MYO7A: variants seen among roughly 807,000 people sequenced by gnomAD.
The protein encoded by MYO7A is unconventional myosin-VIIa.
In MYO7A, 210 loss-of-function variants were observed where a neutral mutation model predicts 263.8. The observed-to-expected ratio is 0.80, with a 90% CI of 0.71 to 0.89. The LOEUF (loss-of-function observed/expected upper bound fraction) is 0.89. MYO7A is among the 40% of genes least tolerant of loss of function. The pLI, the probability that MYO7A is intolerant of heterozygous loss-of-function variation, is 0.00. For missense variants in MYO7A, 2,820 were observed against 2,968.3 expected, an observed-to-expected ratio of 0.95 and a Z score of 1.16; for synonymous variants, 1,239 against 1,197.3, an observed-to-expected ratio of 1.03 and a Z score of -0.72.
intron 2 of MYO7A, 38 bp from the exon 3 acceptor site, chr11:77,142,671 C>T (rs1555051312): frequency 1.3e-6 from 2 of 1,552,192 alleles, no homozygotes; most frequent in East Asian, 2.3e-5. Flanking sequence ...CAATCCCCCT[C>T]CCTGCTCACC....
rs782096041 is a variant in MYO7A, at chr11:77,166,150, C to T, written c.1785C>T (p.Ala595=). 5.6e-6 allele frequency: 9 copies of T among 1,613,684 alleles called. No individual in the cohort carries two copies. The highest frequency in any genetic ancestry group is 5.5e-5 in the South Asian group (5 of 91,056). The change falls in exon 15 of 49, where the codon GCC becomes GCT. Residue 595 remains alanine (A), a synonymous_variant. Coordinates refer to ENST00000409709, the MANE Select transcript of MYO7A (RefSeq NM_000260.4). ...AGTTCATCAAGCAGATCTTCCAGGCCGATGTCGCCATGGTAAGCCGGGTGC... is the reference window on the plus strand; with the variant it reads ...AGTTCATCAAGCAGATCTTCCAGGCTGATGTCGCCATGGTAAGCCGGGTGC... ...RNKFIKQIFQ[A]DVAMGAETRK...
intron 15 of MYO7A, among the ~76,000 whole-genome samples, chr11:77,169,948 C>T (rs1555074975): frequency 6.6e-6 from 1 of 152,126 alleles, no homozygotes; most frequent in Non-Finnish European, 1.5e-5. Context: ...CAGTGGTACA[C>T]ACCTGTAGTC....
In MYO7A at chr11:77,182,486, C is replaced by T. The variant is rs868993459; in HGVS notation, c.3171C>T (p.Tyr1057=). The T allele has an allele frequency of 1.2e-6, 2 of 1,613,484 alleles. No individual in the cohort carries two copies. The highest frequency in any genetic ancestry group is 2.2e-5 in the East Asian group (1 of 44,874). ...RFMGDLPEPK[Y]HTAMSDGSEK... ...TGGGGGACCTCCCTGAGCCCAAGTA[C>T]CACACAGCCATGAGTGATGGCAGTG... The change falls in exon 25 of 49, where the codon TAC becomes TAT. Residue 1057 remains tyrosine, a synonymous_variant. Transcript: ENST00000409709.
At chr11:77,134,410 G>T (rs1555046845) in intron 2 of MYO7A, among the ~76,000 whole-genome samples, 1 of 151,928 alleles carries the variant, frequency 6.6e-6, no homozygotes, top group African/African-American at 2.4e-5. Context: ...TTATACATTT[G>T]TCTTTTAAAT....
chr11:77,194,246 G>C, intron 31 of MYO7A, 108 bp from the exon 32 acceptor site: 1 of 1,304,260 alleles, frequency 7.7e-7, no homozygotes, highest in Non-Finnish European at 1.1e-6. Flanking sequence ...CAGGCTCTGA[G>C]AGCTACAGGA....
intron 2 of MYO7A, 156 bp from the exon 3 acceptor site, chr11:77,142,553 C>G: frequency 1.4e-6 from 1 of 710,156 alleles, no homozygotes. Flanking sequence ...GCCTGCACTG[C>G]TCCAGAAGGT....
In MYO7A at chr11:77,151,460, G is replaced by A. The variant is rs565105026; in HGVS notation, c.285+3510G>A. ...TCTCCATGGCCCGCTAAATGCTAACGAAGTCCCCAGAGCCGACAGGCCTGG... is the reference window on the plus strand; with the variant it reads ...TCTCCATGGCCCGCTAAATGCTAACAAAGTCCCCAGAGCCGACAGGCCTGG... On this transcript the variant is annotated intron_variant, in intron 4 of 48. Transcript: ENST00000409709. Among the ~76,000 whole-genome samples the A allele has an allele frequency of 3.9e-5, 6 of 152,238 alleles. No homozygotes were observed. In the South Asian group the frequency reaches 8.3e-4, roughly 21 times the overall value.
intron 4 of MYO7A, among the ~76,000 whole-genome samples, chr11:77,149,892 G>T (rs953054214): frequency 1.3e-5 from 2 of 152,086 alleles, no homozygotes; most frequent in Admixed American, 1.3e-4. Flanking sequence ...GCTAGAACTC[G>T]AGCCCAGGGC....
At chr11:77,153,031 G>A (rs1333031261) in intron 4 of MYO7A, among the ~76,000 whole-genome samples, 1 of 152,158 alleles carries the variant, frequency 6.6e-6, no homozygotes, top group African/African-American at 2.4e-5. Context: ...AGAGGATTTG[G>A]ACTTTGTCCA....
chr11:77,131,736 T>C (rs1234024124), intron 2 of MYO7A, among the ~76,000 whole-genome samples: 4 of 152,172 alleles, frequency 2.6e-5, no homozygotes, highest in Non-Finnish European at 4.4e-5. Context: ...CACCTCCAGC[T>C]GTGGGTGGCC....
rs1956484848 is a variant in MYO7A, at chr11:77,194,400, A to G, written c.4199A>G (p.Tyr1400Cys). ...ELASQQYFVDYGSEMILERLL... is the reference protein window; with the variant it reads ...ELASQQYFVDCGSEMILERLL... ...GCCTCCCAGCAGTACTTTGTAGACTATGGCTCTGAGATGATCCTGGAGCGC... is the reference window on the plus strand; with the variant it reads ...GCCTCCCAGCAGTACTTTGTAGACTGTGGCTCTGAGATGATCCTGGAGCGC... Residue 1400 changes from tyrosine (Y) to cysteine (C), a missense_variant, in exon 32 of 49, where the codon TAT (tyrosine) becomes TGT (cysteine). By Grantham distance (194) the Tyr-to-Cys change is radical. Coordinates refer to ENST00000409709, the MANE Select transcript of MYO7A (RefSeq NM_000260.4). 1.2e-6 allele frequency: 2 copies of G among 1,612,898 alleles called. No individual in the cohort carries two copies. The highest frequency in any genetic ancestry group is 1.7e-6 in the Non-Finnish European group (2 of 1,179,444).
rs782564945 is a variant in MYO7A at position 77,163,002 on chromosome 11, C to A, written c.1690+14C>A. 2 of 1,613,058 alleles carry A rather than the reference C, an allele frequency of 1.2e-6. No homozygotes were observed. Among genetic ancestry groups the A allele is most frequent in the Middle Eastern group, 1.7e-4 (1 of 6,052 alleles). Reference sequence around the variant, plus strand: ...ATGAGACCCAAGGTACAGAGGGCTGCCGGCTGTCTGTCACTCCCTGCCCGT... The same window carrying A: ...ATGAGACCCAAGGTACAGAGGGCTGACGGCTGTCTGTCACTCCCTGCCCGT... On this transcript the variant is annotated intron_variant, in intron 14 of 48. Coordinates refer to ENST00000409709, the MANE Select transcript of MYO7A (RefSeq NM_000260.4).
chr11:77,166,970 G>A (rs1555072970), intron 15 of MYO7A, among the ~76,000 whole-genome samples: 1 of 152,166 alleles, frequency 6.6e-6, no homozygotes, highest in Non-Finnish European at 1.5e-5. Flanking sequence ...GGTACTCTGC[G>A]CCACTCAGCA....
In MYO7A at chr11:77,138,255, C is replaced by T. The variant is rs1413138417; in HGVS notation, c.19-4454C>T. 1.3e-5 allele frequency among the ~76,000 whole-genome samples: 2 copies of T among 148,732 alleles called. No individual in the cohort carries two copies. The highest frequency in any genetic ancestry group is 3.0e-5 in the Non-Finnish European group (2 of 67,294). On this transcript the variant is annotated intron_variant, in intron 2 of 48. Coordinates refer to ENST00000409709, the MANE Select transcript of MYO7A (RefSeq NM_000260.4). The surrounding 1 kb of genome is among the most constrained non-coding windows in gnomAD (Gnocchi z 4.9). ...AGGGTTCCGGGGCGGGCGGCGCGCA[C>T]GGGATTAGGTGAATTAGGGAGCCGG...
At chr11:77,150,303 C>T (rs1050132638) in intron 4 of MYO7A, among the ~76,000 whole-genome samples, 1 of 152,158 alleles carries the variant, frequency 6.6e-6, no homozygotes, top group Non-Finnish European at 1.5e-5. Flanking sequence ...GGTCCTCATG[C>T]GAAGGAGTCG....
intron 44 of MYO7A, chr11:77,209,049 G>A (rs1957683586): frequency 3.8e-6 from 2 of 532,218 alleles, no homozygotes; most frequent in South Asian, 4.9e-5. Flanking sequence ...TACCTGTTCA[G>A]GCCCCTCCTT....
At chr11:77,182,275 T>C (rs1316371989) in intron 24 of MYO7A, 121 bp downstream of exon 24, 2 of 1,452,484 alleles carry the variant, frequency 1.4e-6, no homozygotes, top group Admixed American at 2.0e-5. Context: ...AGGGACCAGG[T>C]CTGACTATAG....
At chr11:77,157,172 C>T (rs1952554037) in intron 7 of MYO7A, 107 bp from the exon 8 acceptor site, 2 of 1,340,582 alleles carry the variant, frequency 1.5e-6, no homozygotes, top group Non-Finnish European at 2.1e-6. Flanking sequence ...CGATGGGCTT[C>T]TCCACAAGCC....
chr11:77,159,598 G>A (rs1437371413), intron 10 of MYO7A, 75 bp downstream of exon 10: 1 of 1,434,414 alleles, frequency 7.0e-7, no homozygotes, highest in Non-Finnish European at 9.7e-7. Context: ...TTGGGGGCTG[G>A]GATGTAGGAA....
Sources: allele counts gnomAD v4.1 joint callset (sites outside exome capture counted in the v4.1 genomes callset), GRCh38; gene constraint gnomAD v4.1.1; non-coding constraint Gnocchi (gnomAD v3.1); transcripts MANE v1.5; gene names NCBI Gene and HGNC (gene_info 2026-07-23, HGNC 2026-07-21).